Variants in TRPC5 observed in about 807,000 individuals in gnomAD.
TRPC5 encodes short transient receptor potential channel 5.
A neutral mutation model predicts 56.5 loss-of-function variants in TRPC5; 9 were observed. The ratio of observed to expected loss-of-function variants is 0.16; its 90% CI spans 0.10 to 0.28. TRPC5 has a LOEUF of 0.28. TRPC5 is among the 10% of genes least tolerant of loss of function. The pLI is 1.00. For missense variants in TRPC5, 469 were observed against 748.9 expected, an observed-to-expected ratio of 0.63 and a Z score of 4.36; for synonymous variants, 282 against 278.5, an observed-to-expected ratio of 1.01 and a Z score of -0.13.
chrX:111,883,517 C>T (rs1376398194), intron 3 of TRPC5, among the ~76,000 whole-genome samples: 3 of 112,774 alleles, frequency 2.7e-5, no homozygotes, highest in African/African-American at 9.6e-5. Context: ...TAAGACCTAG[C>T]TAGAGCCTAA....
chrX:112,005,183 C>G (rs1217599408), intron 1 of TRPC5, among the ~76,000 whole-genome samples: 1 of 110,920 alleles, frequency 9.0e-6, no homozygotes, highest in Non-Finnish European at 1.9e-5. Context: ...AGCTGGAAGC[C>G]ATTATCCTTA....
intron 1 of TRPC5, among the ~76,000 whole-genome samples, chrX:112,073,173 A>G (rs911257740): frequency 9.0e-6 from 1 of 111,272 alleles, no homozygotes; most frequent in Non-Finnish European, 1.9e-5. Flanking sequence ...CCCACTAATC[A>G]TGGGCCACAG....
chrX:111,873,871 C>T (rs183640387), intron 3 of TRPC5, among the ~76,000 whole-genome samples: 1 of 111,063 alleles, frequency 9.0e-6, no homozygotes, highest in Admixed American at 9.5e-5. Context: ...TATTCAGGAA[C>T]ATGGCCTAAA....
chrX:112,002,355 T>A (rs991076157), intron 1 of TRPC5, among the ~76,000 whole-genome samples: 2 of 111,475 alleles, frequency 1.8e-5, no homozygotes, highest in African/African-American at 6.5e-5. Context: ...GGTCTCACTG[T>A]GTTGCCCAGG....
intron 1 of TRPC5, among the ~76,000 whole-genome samples, chrX:112,020,069 T>A (rs904807149): frequency 8.9e-6 from 1 of 111,877 alleles, no homozygotes; most frequent in Non-Finnish European, 1.9e-5. Context: ...ACTAGGTTTT[T>A]CTCTTTTGAG....
intron 3 of TRPC5, among the ~76,000 whole-genome samples, chrX:111,907,663 A>G (rs751142268): frequency 4.3e-4 from 48 of 110,394 alleles, no homozygotes; most frequent in African/African-American, 1.5e-3. Flanking sequence ...AATAATAATA[A>G]TGGAAGCATA....
chrX:112,031,435 C>A (rs1294852056), intron 1 of TRPC5, among the ~76,000 whole-genome samples: 1 of 111,824 alleles, frequency 8.9e-6, no homozygotes, highest in Non-Finnish European at 1.9e-5. Flanking sequence ...TAACTGTGAG[C>A]ATTCCCTCCA....
intron 7 of TRPC5, among the ~76,000 whole-genome samples, chrX:111,807,032 A>G (rs1244412903): frequency 2.7e-5 from 3 of 111,521 alleles, no homozygotes; most frequent in Non-Finnish European, 5.6e-5. Context: ...GAATTTGATT[A>G]TTAAATGTCT....
chrX:111,907,389 G>A (rs529069241), intron 3 of TRPC5, among the ~76,000 whole-genome samples: 6 of 110,898 alleles, frequency 5.4e-5, no homozygotes, highest in African/African-American at 9.8e-5. Context: ...CACTTTGGGA[G>A]GCCCAGGCAG....
At chrX:111,813,301 T>C (rs772307157) in intron 7 of TRPC5, among the ~76,000 whole-genome samples, 2 of 112,511 alleles carry the variant, frequency 1.8e-5, no homozygotes, top group Admixed American at 1.9e-4. Context: ...GTGCCCTGCA[T>C]TGCCTTTCAG....
intron 7 of TRPC5, among the ~76,000 whole-genome samples, chrX:111,824,875 C>T (rs1439051286): frequency 9.0e-6 from 1 of 111,637 alleles, no homozygotes; most frequent in Non-Finnish European, 1.9e-5. Flanking sequence ...ACAGTGTTAC[C>T]GCCTTTAATA....
intron 7 of TRPC5, among the ~76,000 whole-genome samples, chrX:111,790,861 A>T (rs2148555285): frequency 9.2e-6 from 1 of 108,471 alleles, no homozygotes; most frequent in East Asian, 2.9e-4. Context: ...CTCTACTAAA[A>T]ATATGAAAAC....
chrX:111,893,122 C>T (rs1305131818), intron 3 of TRPC5, among the ~76,000 whole-genome samples: 3 of 105,034 alleles, frequency 2.9e-5, no homozygotes, highest in African/African-American at 1.1e-4. Context: ...TTCTTATAAC[C>T]ACTAGTATCA....
At chrX:111,792,708 A>G (rs1247157372) in intron 7 of TRPC5, among the ~76,000 whole-genome samples, 2 of 112,099 alleles carry the variant, frequency 1.8e-5, no homozygotes, top group African/African-American at 6.5e-5. Flanking sequence ...CATTTCCACC[A>G]GGGAATACAG....
At position 112,071,477 on chromosome X, in the gene TRPC5, T is replaced by C. The variant is rs764649301; in HGVS notation, c.-22+10402A>G. Among the ~76,000 whole-genome samples, 31 of 111,625 alleles carry C rather than the reference T, an allele frequency of 2.8e-4. 1 individual carries two copies. Among genetic ancestry groups the C allele is most frequent in the African/African-American group, 9.7e-4 (30 of 30,774 alleles). Reference sequence around the variant, plus strand: ...GAGTTGGGATTTGAACTGAGATAGTTTGACTTTCAGCTAATCCTTTAACCT... The same window carrying C: ...GAGTTGGGATTTGAACTGAGATAGTCTGACTTTCAGCTAATCCTTTAACCT... On this transcript the variant is annotated intron_variant, in intron 1 of 10. Transcript: ENST00000262839.
At position 111,950,199 on chromosome X, in the gene TRPC5, C is replaced by G. The variant is rs780346126; in HGVS notation, c.378+1844G>C. On this transcript the variant is annotated intron_variant, in intron 2 of 10. Coordinates refer to ENST00000262839, the MANE Select transcript of TRPC5 (RefSeq NM_012471.3). The stretch of plus-strand genomic sequence containing the variant: ...AATTAGCCAGGCGTGGTGGCAGGCA[C>G]CTGTAGTCCCAGCTACTCGGGAGGC... Among the ~76,000 whole-genome samples, 370 of 110,409 alleles carry G rather than the reference C, an allele frequency of 3.4e-3. 1 individual carries two copies. Among genetic ancestry groups the G allele is most frequent in the African/African-American group, 0.012 (352 of 30,320 alleles).
chrX:112,039,369 G>C (rs1929835655), intron 1 of TRPC5, among the ~76,000 whole-genome samples: 2 of 111,965 alleles, frequency 1.8e-5, no homozygotes, highest in South Asian at 7.5e-4. Flanking sequence ...CCTAATGCCT[G>C]GGGCTCTTAA....
At chrX:112,020,531 T>C (rs1929246043) in intron 1 of TRPC5, among the ~76,000 whole-genome samples, 1 of 112,057 alleles carries the variant, frequency 8.9e-6, no homozygotes, top group Admixed American at 9.5e-5. Flanking sequence ...TGAGTGACAT[T>C]CTTAGGCCTG....
At chrX:111,860,664 A>T (rs1192304771) in intron 3 of TRPC5, among the ~76,000 whole-genome samples, 1 of 112,617 alleles carries the variant, frequency 8.9e-6, no homozygotes, top group Non-Finnish European at 1.9e-5. Flanking sequence ...GCTTACAATA[A>T]CCCAACATAA....
Sources: allele counts gnomAD v4.1 joint callset (sites outside exome capture counted in the v4.1 genomes callset), GRCh38; gene constraint gnomAD v4.1.1; transcripts MANE v1.5; gene names NCBI Gene and HGNC (gene_info 2026-07-23, HGNC 2026-07-21).